BAZ1A: variants seen among roughly 807,000 people sequenced by gnomAD.
The protein encoded by BAZ1A is bromodomain adjacent to zinc finger domain protein 1A.
In BAZ1A, 50 loss-of-function variants were observed where a neutral mutation model predicts 185.2. That is an observed-to-expected ratio of 0.27 (90% CI 0.22 to 0.34). The LOEUF (loss-of-function observed/expected upper bound fraction) is 0.34. Among genes scored for constraint, BAZ1A ranks in the 10% least tolerant of loss-of-function variants. The probability of loss-of-function intolerance (pLI) is 1.00; values close to 1 mark genes in which losing one functional copy is unlikely to be tolerated. For synonymous variants in BAZ1A, 571 were observed against 615.6 expected (o/e 0.93, Z 1.07); for missense variants, 1,356 against 1,839.9 (o/e 0.74, Z 4.81).
At chr14:34,785,486 T>G (rs1419190389) in intron 14 of BAZ1A, among the ~76,000 whole-genome samples, 1 of 152,202 alleles carries the variant, frequency 6.6e-6, no homozygotes, top group Non-Finnish European at 1.5e-5. Context: ...CCATTTAGAT[T>G]TAAACTTCTG....
chr14:34,869,276 A>T lies in BAZ1A; in HGVS notation c.113+5216T>A, dbSNP rs193108349. On this transcript the variant is annotated intron_variant, in intron 2 of 26. Coordinates refer to ENST00000360310, the MANE Select transcript of BAZ1A (RefSeq NM_013448.3). ...ATAATTCTTAGCAAATGCCCCTAAA[A>T]TGTAAGTGCACTCAATAAATATTAT... Among the ~76,000 whole-genome samples, 782 of 152,252 alleles carry T rather than the reference A, an allele frequency of 5.1e-3. 4 individuals are homozygous for T. Among genetic ancestry groups the T allele is most frequent in the South Asian group, 0.012 (56 of 4,824 alleles).
intron 3 of BAZ1A, among the ~76,000 whole-genome samples, chr14:34,844,736 C>A (rs182589413): frequency 9.7e-4 from 147 of 151,260 alleles, no homozygotes; most frequent in African/African-American, 3.5e-3. Flanking sequence ...CTAGCCTGGG[C>A]AACAGAGTGT....
intron 3 of BAZ1A, among the ~76,000 whole-genome samples, chr14:34,837,536 G>T (rs2042349289): frequency 6.7e-6 from 1 of 150,126 alleles, no homozygotes; most frequent in African/African-American, 2.5e-5. Context: ...ACTGAGCCCA[G>T]CCACAAAAAT....
At chr14:34,807,198 T>C (rs1221253164) in intron 6 of BAZ1A, among the ~76,000 whole-genome samples, 1 of 151,388 alleles carries the variant, frequency 6.6e-6, no homozygotes, top group Non-Finnish European at 1.5e-5. Context: ...CTTTTCTTTT[T>C]CCAAATTTTC....
chr14:34,800,785 T>G (rs1348103842), intron 8 of BAZ1A, among the ~76,000 whole-genome samples: 16 of 152,182 alleles, frequency 1.1e-4, no homozygotes, highest in Admixed American at 1.0e-3. Context: ...AAGCAATGTT[T>G]TAAAAGGCTG....
chr14:34,765,474 C>T, intron 21 of BAZ1A, among the ~76,000 whole-genome samples: 1 of 152,156 alleles, frequency 6.6e-6, no homozygotes, highest in East Asian at 1.9e-4. Flanking sequence ...TAAGGAATTA[C>T]TTAAATTCAT....
chr14:34,770,380 T>C (rs772748041), intron 21 of BAZ1A, among the ~76,000 whole-genome samples: 1 of 152,190 alleles, frequency 6.6e-6, no homozygotes, highest in Non-Finnish European at 1.5e-5. Context: ...CTCCAACTCC[T>C]GACCTCAGGT....
chr14:34,784,582 A>T (rs1189680187), intron 14 of BAZ1A, among the ~76,000 whole-genome samples: 2 of 151,122 alleles, frequency 1.3e-5, no homozygotes, highest in African/African-American at 4.9e-5. Context: ...CAGTGGCGCG[A>T]TCTCGGCTCA....
intron 15 of BAZ1A, 33 bp from the exon 16 acceptor site, chr14:34,783,265 T>C: frequency 7.8e-7 from 1 of 1,281,374 alleles, no homozygotes; most frequent in Non-Finnish European, 1.1e-6. Context: ...GTAGTCTATC[T>C]GATGCACATA....
At chr14:34,842,873 G>A (rs2138763334) in intron 3 of BAZ1A, among the ~76,000 whole-genome samples, 1 of 152,026 alleles carries the variant, frequency 6.6e-6, no homozygotes, top group South Asian at 2.1e-4. Flanking sequence ...ACTATCACAT[G>A]GCTATCCTGG....
At chr14:34,834,430 ACCACAGTAGGTC>A (rs1002761401) in intron 3 of BAZ1A, among the ~76,000 whole-genome samples, 4 of 152,214 alleles carry the variant, frequency 2.6e-5, no homozygotes, top group African/African-American at 9.6e-5. Flanking sequence ...GGAACAACTG[ACCACAGTAGGTC>A]CCACAGGGCT....
intron 12 of BAZ1A, among the ~76,000 whole-genome samples, chr14:34,789,434 AT>A (rs1880701874): frequency 6.6e-6 from 1 of 152,202 alleles, no homozygotes; most frequent in African/African-American, 2.4e-5. Context: ...TCATTCTAGG[AT>A]TTGCTTAGTG....
At chr14:34,803,097 T>G in intron 6 of BAZ1A, 109 bp from the exon 7 acceptor site, 5 of 1,215,264 alleles carry the variant, frequency 4.1e-6, no homozygotes, top group Non-Finnish European at 5.8e-6. Flanking sequence ...AAGATCAGGA[T>G]AGGCTGGGCA....
intron 14 of BAZ1A, among the ~76,000 whole-genome samples, chr14:34,785,071 G>C (rs1469448371): frequency 1.3e-5 from 2 of 151,972 alleles, no homozygotes; most frequent in Non-Finnish European, 2.9e-5. Context: ...GGCCAGGCTG[G>C]TCTCGAACTC....
At chr14:34,798,556 C>G (rs1479080954) in intron 9 of BAZ1A, among the ~76,000 whole-genome samples, 1 of 152,164 alleles carries the variant, frequency 6.6e-6, no homozygotes, top group East Asian at 1.9e-4. Context: ...CCCAGGCAAC[C>G]TCATCAAAAA....
At chr14:34,792,694 T>C in intron 12 of BAZ1A, 81 bp downstream of exon 12, 3 of 1,498,312 alleles carry the variant, frequency 2.0e-6, no homozygotes, top group Non-Finnish European at 2.7e-6. Flanking sequence ...TAAAAGCCAA[T>C]TTAACTTAAA....
At chr14:34,758,037 G>A (rs573478802) in intron 25 of BAZ1A, among the ~76,000 whole-genome samples, 33 of 149,420 alleles carry the variant, frequency 2.2e-4, no homozygotes, top group African/African-American at 7.4e-4. Flanking sequence ...GTGAGCCACA[G>A]CGCCCGGCCA....
intron 9 of BAZ1A, among the ~76,000 whole-genome samples, chr14:34,799,840 G>T (rs1881412087): frequency 1.3e-5 from 2 of 152,142 alleles, no homozygotes; most frequent in African/African-American, 4.8e-5. Context: ...TCGAACTCCT[G>T]ACCTCATGAT....
intron 3 of BAZ1A, among the ~76,000 whole-genome samples, chr14:34,843,872 C>T (rs2042456873): frequency 6.6e-6 from 1 of 152,102 alleles, no homozygotes; most frequent in Non-Finnish European, 1.5e-5. Context: ...ATACTATGGT[C>T]CATGGCCAAA....
Sources: allele counts gnomAD v4.1 joint callset (sites outside exome capture counted in the v4.1 genomes callset), GRCh38; gene constraint gnomAD v4.1.1; transcripts MANE v1.5; gene names NCBI Gene and HGNC (gene_info 2026-07-23, HGNC 2026-07-21).